RPA2: variants seen among roughly 807,000 people sequenced by gnomAD.
RPA2 encodes replication protein A 32 kDa subunit.
Under a neutral mutation model 33.4 loss-of-function variants are expected in RPA2, and 22 were observed. The observed-to-expected ratio is 0.66, with a 90% CI of 0.47 to 0.94. The LOEUF is 0.94. RPA2 is among the 40% of genes least tolerant of loss of function. The probability of loss-of-function intolerance (pLI) is 0.00; values close to 1 mark genes in which losing one functional copy is unlikely to be tolerated. For synonymous variants in RPA2, 109 were observed against 114.9 expected, an observed-to-expected ratio of 0.95 and a Z score of 0.33; for missense variants, 279 against 329.9, an observed-to-expected ratio of 0.85 and a Z score of 1.19.
chr1:27,891,887 C>T lies in RPA2; in HGVS notation c.*276G>A. 2.6e-6 allele frequency: 1 copy of T among 385,118 alleles called. No individual in the cohort carries two copies. The highest frequency in any genetic ancestry group is 4.8e-6 in the Non-Finnish European group (1 of 208,652). 23.9% of individuals were successfully genotyped at this position (385,118 alleles called of 1,614,324 possible). On this transcript the variant is annotated 3_prime_UTR_variant, in exon 9 of 9. Transcript: ENST00000373912. Reference sequence around the variant, plus strand: ...CTCTCCTGGTAGCATCCTTCCAATTCCATCTATCTTGATGTTGTAACAAGC... The same window carrying T: ...CTCTCCTGGTAGCATCCTTCCAATTTCATCTATCTTGATGTTGTAACAAGC...
intron 2 of RPA2, among the ~76,000 whole-genome samples, chr1:27,908,504 C>G (rs1320423605): frequency 6.6e-6 from 1 of 150,450 alleles, no homozygotes; most frequent in Admixed American, 6.7e-5. Flanking sequence ...CAAATTATAT[C>G]TTTTTTTTTG....
chr1:27,904,141 G>A (rs1256690531), intron 4 of RPA2, among the ~76,000 whole-genome samples: 1 of 149,474 alleles, frequency 6.7e-6, no homozygotes, highest in African/African-American at 2.5e-5. Context: ...CTCCAGCCTG[G>A]GCAACAAGAG....
chr1:27,898,422 C>T (rs773446406), intron 4 of RPA2, among the ~76,000 whole-genome samples: 39 of 152,104 alleles, frequency 2.6e-4, no homozygotes, highest in Non-Finnish European at 4.6e-4. Context: ...GCTGATTTCC[C>T]ATTTGGGACA....
chr1:27,910,650 T>A (rs2090085181), intron 2 of RPA2, among the ~76,000 whole-genome samples: 1 of 152,246 alleles, frequency 6.6e-6, no homozygotes, highest in Admixed American at 6.5e-5. Context: ...AAACTTCACA[T>A]GGTTCAATCA....
chr1:27,897,274 CAT>C (rs1047748839), intron 5 of RPA2, among the ~76,000 whole-genome samples, 153 bp from the exon 6 acceptor site: 13 of 151,664 alleles, frequency 8.6e-5, no homozygotes, highest in African/African-American at 3.1e-4. Context: ...TATGGTCAAA[CAT>C]GAGGAGAAAA....
At chr1:27,902,894 T>C (rs1042488494) in intron 4 of RPA2, among the ~76,000 whole-genome samples, 2 of 150,762 alleles carry the variant, frequency 1.3e-5, no homozygotes, top group Non-Finnish European at 2.9e-5. Context: ...AATGTGTATT[T>C]CCCCCCAGAA....
At chr1:27,893,607 C>T (rs921886144) in intron 8 of RPA2, among the ~76,000 whole-genome samples, 3 of 150,896 alleles carry the variant, frequency 2.0e-5, no homozygotes, top group Non-Finnish European at 3.0e-5. Context: ...TAATGCCTGG[C>T]GAACTTTTAC....
Sources: allele counts gnomAD v4.1 joint callset (sites outside exome capture counted in the v4.1 genomes callset), GRCh38; gene constraint gnomAD v4.1.1; transcripts MANE v1.5; gene names NCBI Gene and HGNC (gene_info 2026-07-23, HGNC 2026-07-21).